The following DSCAM variants were observed in gnomAD, a reference collection of about 807,000 sequenced individuals.
The protein encoded by DSCAM is DS cell adhesion molecule, also known as cell adhesion molecule DSCAM.
DSCAM carries 47 observed loss-of-function variants against 217.7 expected under a neutral mutation model. The observed-to-expected ratio is 0.22, with a 90% CI of 0.17 to 0.28. The LOEUF (loss-of-function observed/expected upper bound fraction) is 0.28. Ranked by LOEUF, DSCAM falls within the 10% of genes least tolerant of loss-of-function variation. The pLI is 1.00. For missense variants in DSCAM, 2,080 were observed against 2,618.3 expected, an observed-to-expected ratio of 0.79 and a Z score of 4.49; for synonymous variants, 1,056 against 1,015.3, an observed-to-expected ratio of 1.04 and a Z score of -0.76.
chr21:40,819,378 C>T (rs1357088050), intron 1 of DSCAM, among the ~76,000 whole-genome samples: 2 of 152,152 alleles, frequency 1.3e-5, no homozygotes, highest in Non-Finnish European at 2.9e-5. Context: ...ACAGTGGGGG[C>T]AGTCTATGTC....
At position 40,446,347 on chromosome 21, in the gene DSCAM, G is replaced by A. The variant is rs573383437; in HGVS notation, c.509-77102C>T. 2.0e-3 allele frequency among the ~76,000 whole-genome samples: 310 copies of A among 152,278 alleles called. 3 individuals are homozygous for A. Among genetic ancestry groups the A allele is most frequent in the Middle Eastern group, 3.4e-3 (1 of 294 alleles). On this transcript the variant is annotated intron_variant, in intron 3 of 32. Transcript: ENST00000400454. ...CAACTGTGGACTCTGCTAAGGCCAT[G>A]TCATGTAATCCAATGGAAAGGTCCA...
At chr21:40,151,687 C>A in intron 16 of DSCAM, among the ~76,000 whole-genome samples, 1 of 152,202 alleles carries the variant, frequency 6.6e-6, no homozygotes, top group East Asian at 1.9e-4. Flanking sequence ...TCCTTGACTG[C>A]AGACACATGG....
chr21:40,099,384 C>T (rs977819507), intron 20 of DSCAM, among the ~76,000 whole-genome samples: 1 of 152,188 alleles, frequency 6.6e-6, no homozygotes, highest in Non-Finnish European at 1.5e-5. Flanking sequence ...TCCTTAATTT[C>T]TCCGTAGGTT....
In DSCAM at chr21:40,817,920, C is replaced by T. The variant is rs895906098; in HGVS notation, c.43+28699G>A. Among the ~76,000 whole-genome samples, 29 of 150,106 alleles carry T rather than the reference C, an allele frequency of 1.9e-4. 1 individual carries two copies. Among genetic ancestry groups the T allele is most frequent in the Admixed American group, 1.8e-3 (27 of 15,036 alleles). The stretch of plus-strand genomic sequence containing the variant: ...GACCATCCTGGCTAACAAGGTGAAA[C>T]CCCGTCTCTACTAAAAATACAAAAA... On this transcript the variant is annotated intron_variant, in intron 1 of 32. Transcript: ENST00000400454.
intron 16 of DSCAM, among the ~76,000 whole-genome samples, chr21:40,156,318 AGAGAGAG>A: frequency 6.7e-6 from 1 of 149,100 alleles, no homozygotes; most frequent in African/African-American, 2.5e-5. Flanking sequence ...AGAGAGAGAG[AGAGAGAG>A]AGAGAGAGAG....
At chr21:40,157,012 C>T (rs2090485712) in intron 16 of DSCAM, among the ~76,000 whole-genome samples, 1 of 152,154 alleles carries the variant, frequency 6.6e-6, no homozygotes, top group South Asian at 2.1e-4. Context: ...CTGGTCCCTC[C>T]TCCAGATCTG....
At chr21:40,425,776 C>T (rs2145884691) in intron 3 of DSCAM, among the ~76,000 whole-genome samples, 1 of 151,692 alleles carries the variant, frequency 6.6e-6, no homozygotes, top group South Asian at 2.1e-4. Context: ...ATATTTACTT[C>T]CAATCTTATA....
At chr21:40,140,695 G>A (rs1371686165) in intron 18 of DSCAM, among the ~76,000 whole-genome samples, 1 of 152,126 alleles carries the variant, frequency 6.6e-6, no homozygotes, top group African/African-American at 2.4e-5. Flanking sequence ...CTTTACTCTG[G>A]GGTGTTTTAA....
chr21:40,693,241 A>C (rs62223016), intron 2 of DSCAM, among the ~76,000 whole-genome samples: 8,052 of 152,046 alleles, frequency 0.053, 451 homozygotes, highest in African/African-American at 0.14. Flanking sequence ...TCAAGACCAG[A>C]CTGGGCAACA....
At chr21:40,476,174 T>C (rs2837647) in intron 3 of DSCAM, among the ~76,000 whole-genome samples, 105,764 of 151,928 alleles carry the variant, frequency 0.7, 37,687 homozygotes, top group African/African-American at 0.86. Context: ...GCCAGAAACG[T>C]CCTTGTATTT....
At chr21:40,544,176 C>A (rs1357096062) in intron 3 of DSCAM, among the ~76,000 whole-genome samples, 1 of 152,062 alleles carries the variant, frequency 6.6e-6, no homozygotes, top group African/African-American at 2.4e-5. Flanking sequence ...AATAACTCAC[C>A]ATGCAGGGTT....
intron 3 of DSCAM, among the ~76,000 whole-genome samples, chr21:40,478,983 C>T (rs1334722546): frequency 6.6e-6 from 1 of 152,162 alleles, no homozygotes; most frequent in East Asian, 1.9e-4. Flanking sequence ...TACTGTACTG[C>T]ACTCATGTAT....
chr21:40,581,722 C>T (rs1346259301), intron 3 of DSCAM, among the ~76,000 whole-genome samples: 2 of 152,110 alleles, frequency 1.3e-5, no homozygotes, highest in Non-Finnish European at 2.9e-5. Context: ...CCCAAGCCTT[C>T]CAGGGGACAC....
chr21:40,269,979 A>G (rs1382999425), intron 11 of DSCAM, among the ~76,000 whole-genome samples: 1 of 152,192 alleles, frequency 6.6e-6, no homozygotes, highest in Non-Finnish European at 1.5e-5. Context: ...GAAAGGAGGG[A>G]AATTGAAACT....
chr21:40,544,057 G>A (rs2076562129), intron 3 of DSCAM, among the ~76,000 whole-genome samples: 1 of 152,060 alleles, frequency 6.6e-6, no homozygotes, highest in Non-Finnish European at 1.5e-5. Flanking sequence ...TAACCAAGAG[G>A]ATACCTGGAA....
chr21:40,488,205 G>A (rs1474394417), intron 3 of DSCAM, among the ~76,000 whole-genome samples: 1 of 152,176 alleles, frequency 6.6e-6, no homozygotes, highest in African/African-American at 2.4e-5. Flanking sequence ...CTGGAACAGT[G>A]GCTGGCTGGA....
intron 3 of DSCAM, among the ~76,000 whole-genome samples, chr21:40,467,540 T>A (rs2097099274): frequency 6.6e-6 from 1 of 152,132 alleles, no homozygotes; most frequent in Non-Finnish European, 1.5e-5. Context: ...TATATAAAAT[T>A]GATTAAAAAA....
At chr21:40,673,736 A>C (rs1428034856) in intron 3 of DSCAM, among the ~76,000 whole-genome samples, 1 of 152,140 alleles carries the variant, frequency 6.6e-6, no homozygotes, top group Non-Finnish European at 1.5e-5. Flanking sequence ...GTTTAAAAGT[A>C]TGCAGCTCCT....
At chr21:40,250,206 A>C (rs2073283447) in intron 11 of DSCAM, among the ~76,000 whole-genome samples, 1 of 152,184 alleles carries the variant, frequency 6.6e-6, no homozygotes, top group Non-Finnish European at 1.5e-5. Flanking sequence ...CGCAAGCTTA[A>C]TTCATGCAGC....
Sources: allele counts gnomAD v4.1 joint callset (sites outside exome capture counted in the v4.1 genomes callset), GRCh38; gene constraint gnomAD v4.1.1; transcripts MANE v1.5; gene names NCBI Gene and HGNC (gene_info 2026-07-23, HGNC 2026-07-21).